ROBO2: variants seen among roughly 807,000 people sequenced by gnomAD.
ROBO2 encodes roundabout homolog 2.
In ROBO2, 53 loss-of-function variants were observed where a neutral mutation model predicts 160.8. That is an observed-to-expected ratio of 0.33 (90% CI 0.26 to 0.41). ROBO2 has a LOEUF of 0.41. ROBO2 is among the 10% of genes least tolerant of loss of function. The pLI is 1.00. For synonymous variants in ROBO2, 664 were observed against 611.7 expected (o/e 1.09, Z -1.26); for missense variants, 1,577 against 1,722.4 (o/e 0.92, Z 1.49).
chr3:76,451,786 A>T (rs1295101129), intron 2 of ROBO2, among the ~76,000 whole-genome samples: 2 of 152,178 alleles, frequency 1.3e-5, no homozygotes, highest in African/African-American at 4.8e-5. Context: ...TGACTAAGAA[A>T]ATTCTTTCCT....
chr3:75,996,761 TC>T (rs2065738479), intron 2 of ROBO2, among the ~76,000 whole-genome samples: 1 of 83,054 alleles, frequency 1.2e-5, no homozygotes, highest in Non-Finnish European at 3.1e-5. Context: ...TATATGTAAA[TC>T]ATCAATTCTG....
intron 2 of ROBO2, among the ~76,000 whole-genome samples, chr3:76,864,789 A>G (rs1183448211): frequency 6.6e-6 from 1 of 152,114 alleles, no homozygotes. Context: ...TAAACAACTA[A>G]AATCAATAAT....
At chr3:77,538,340 G>C (rs1212051970) in intron 6 of ROBO2, among the ~76,000 whole-genome samples, 1 of 151,778 alleles carries the variant, frequency 6.6e-6, no homozygotes, top group African/African-American at 2.4e-5. Context: ...ACGACGCCCA[G>C]ATAATTTTTT....
intron 2 of ROBO2, among the ~76,000 whole-genome samples, chr3:76,280,094 G>A (rs1708149972): frequency 6.6e-6 from 1 of 151,922 alleles, no homozygotes; most frequent in Admixed American, 6.6e-5. Flanking sequence ...TTCTTGCTTG[G>A]TGTACAATAG....
intron 2 of ROBO2, among the ~76,000 whole-genome samples, chr3:76,578,128 C>T (rs1380540449): frequency 6.6e-6 from 1 of 152,158 alleles, no homozygotes; most frequent in Non-Finnish European, 1.5e-5. Context: ...CCTGTCCATG[C>T]CCCAATTTCT....
intron 2 of ROBO2, among the ~76,000 whole-genome samples, chr3:77,342,542 T>G (rs1053592435): frequency 3.3e-5 from 5 of 152,192 alleles, no homozygotes; most frequent in Admixed American, 2.0e-4. Context: ...AGACATTTTC[T>G]ATAAACTGCG....
At chr3:76,046,144 G>A (rs549348434) in intron 2 of ROBO2, among the ~76,000 whole-genome samples, 3 of 151,852 alleles carry the variant, frequency 2.0e-5, no homozygotes, top group African/African-American at 7.3e-5. Flanking sequence ...TTGACTTTTG[G>A]AGTGTAAAGC....
At chr3:77,164,896 A>G (rs1359143311) in intron 2 of ROBO2, among the ~76,000 whole-genome samples, 14 of 96,550 alleles carry the variant, frequency 1.5e-4, no homozygotes, top group African/African-American at 2.4e-4. Context: ...TGGGGGGGTC[A>G]GCCCCCCGCC....
chr3:76,088,349 AC>A (rs1184906240), intron 2 of ROBO2, among the ~76,000 whole-genome samples: 1 of 152,118 alleles, frequency 6.6e-6, no homozygotes, highest in Non-Finnish European at 1.5e-5. Flanking sequence ...ACATAGATGT[AC>A]AGCATTAACA....
chr3:77,321,013 C>T (rs2064630482), intron 2 of ROBO2, among the ~76,000 whole-genome samples: 1 of 152,092 alleles, frequency 6.6e-6, no homozygotes, highest in Non-Finnish European at 1.5e-5. Flanking sequence ...CACACAATTC[C>T]AGATGAAAGG....
intron 2 of ROBO2, among the ~76,000 whole-genome samples, chr3:76,483,507 A>G (rs747444119): frequency 2.2e-4 from 34 of 152,146 alleles, no homozygotes; most frequent in Admixed American, 9.2e-4. Context: ...TATGTAACCA[A>G]TATATAAATA....
chr3:77,153,620 G>A (rs2077721365), intron 2 of ROBO2, among the ~76,000 whole-genome samples: 1 of 152,052 alleles, frequency 6.6e-6, no homozygotes, highest in Non-Finnish European at 1.5e-5. Flanking sequence ...AAGCCAGACT[G>A]GAAAAAGATG....
intron 5 of ROBO2, among the ~76,000 whole-genome samples, chr3:77,496,309 C>T (rs2086771636): frequency 6.6e-6 from 1 of 152,174 alleles, no homozygotes; most frequent in African/African-American, 2.4e-5. Flanking sequence ...GTCAGTATTT[C>T]ATCATGAAAG....
chr3:76,899,302 C>T (rs948079885), intron 2 of ROBO2, among the ~76,000 whole-genome samples: 2 of 151,908 alleles, frequency 1.3e-5, no homozygotes, highest in East Asian at 1.9e-4. Context: ...TAATCCACTT[C>T]GTATGTCAAA....
intron 2 of ROBO2, among the ~76,000 whole-genome samples, chr3:76,614,149 A>G (rs2109121098): frequency 6.6e-6 from 1 of 152,238 alleles, no homozygotes; most frequent in South Asian, 2.1e-4. Context: ...AGAAGCATGA[A>G]CTATGCATAT....
chr3:76,471,956 T>G (rs2078677869), intron 2 of ROBO2, among the ~76,000 whole-genome samples: 1 of 152,074 alleles, frequency 6.6e-6, no homozygotes, highest in South Asian at 2.1e-4. Flanking sequence ...TGACCTCCCA[T>G]CAGGTCCCTC....
At chr3:76,278,054 G>T (rs1156865982) in intron 2 of ROBO2, among the ~76,000 whole-genome samples, 1 of 151,692 alleles carries the variant, frequency 6.6e-6, no homozygotes, top group African/African-American at 2.4e-5. Context: ...TTGTCATTAA[G>T]AGGTAAACGG....
At chr3:76,049,404 T>TATA (rs1491247694) in intron 2 of ROBO2, among the ~76,000 whole-genome samples, 8 of 43,518 alleles carry the variant, frequency 1.8e-4, no homozygotes, top group East Asian at 1.8e-3. Context: ...TATATATATA[T>TATA]TTTTTTTTTT....
At chr3:77,293,217 T>G (rs1045207602) in intron 2 of ROBO2, among the ~76,000 whole-genome samples, 1 of 150,906 alleles carries the variant, frequency 6.6e-6, no homozygotes, top group African/African-American at 2.4e-5. Flanking sequence ...ACGGGTAAGC[T>G]GAGGCTAGAT....
Sources: allele counts gnomAD v4.1 joint callset (sites outside exome capture counted in the v4.1 genomes callset), GRCh38; gene constraint gnomAD v4.1.1; transcripts MANE v1.5; gene names NCBI Gene and HGNC (gene_info 2026-07-23, HGNC 2026-07-21).